ACSM6: variants seen among roughly 807,000 people sequenced by gnomAD.
ACSM6 encodes acyl-coenzyme A synthetase ACSM6, mitochondrial.
ACSM6 carries 35 observed loss-of-function variants against 51.1 expected under a neutral mutation model. The observed-to-expected ratio is 0.69, with a 90% CI of 0.52 to 0.91. The LOEUF (loss-of-function observed/expected upper bound fraction) is 0.91. Ranked by LOEUF, ACSM6 falls within the 40% of genes least tolerant of loss-of-function variation. The pLI is 0.00. For synonymous variants in ACSM6, 172 were observed against 207.3 expected (o/e 0.83, Z 1.46); for missense variants, 509 against 584.1 (o/e 0.87, Z 1.32).
intron 3 of ACSM6, 68 bp from the exon 4 acceptor site, chr10:95,207,139 CA>C: frequency 6.8e-7 from 1 of 1,474,312 alleles, no homozygotes; most frequent in Non-Finnish European, 9.4e-7. Context: ...CCATGCCTGC[CA>C]GAATGCTTGA....
intron 2 of ACSM6, chr10:95,201,551 C>T (rs774217150): frequency 1.3e-5 from 6 of 454,548 alleles, no homozygotes; most frequent in Admixed American, 2.4e-5. Flanking sequence ...TTTATCCAAT[C>T]ATCCACTGAT....
chr10:95,201,673 C>T (rs936003001), intron 2 of ACSM6: 1 of 516,370 alleles, frequency 1.9e-6, no homozygotes, highest in African/African-American at 1.9e-5. Flanking sequence ...GGGTAGACAC[C>T]CAGTAGTGGG....
intron 10 of ACSM6, chr10:95,225,640 A>G (rs2035030056): frequency 1.2e-5 from 4 of 346,476 alleles, no homozygotes; most frequent in Non-Finnish European, 5.2e-6. Context: ...ACATTATGAC[A>G]CTTTGTCCTT....
At chr10:95,209,015 CAAATAG>C (rs1251133257) in intron 4 of ACSM6, among the ~76,000 whole-genome samples, 1 of 117,868 alleles carries the variant, frequency 8.5e-6, no homozygotes, top group African/African-American at 3.2e-5. Flanking sequence ...TTATAGACAA[CAAATAG>C]ACAACAAGAA....
chr10:95,201,066 A>G (rs1397701526), intron 2 of ACSM6, among the ~76,000 whole-genome samples: 1 of 152,222 alleles, frequency 6.6e-6, no homozygotes, highest in Non-Finnish European at 1.5e-5. Flanking sequence ...CCACTGAAAA[A>G]TAAGTTGCAT....
chr10:95,214,824 C>T, intron 7 of ACSM6, 28 bp from the exon 8 acceptor site: 2 of 1,548,688 alleles, frequency 1.3e-6, no homozygotes, highest in African/African-American at 1.4e-5. Context: ...TTCCCTGAGG[C>T]TAAGAACAAC....
intron 2 of ACSM6, among the ~76,000 whole-genome samples, chr10:95,199,984 C>G (rs1397517525): frequency 6.6e-6 from 1 of 152,156 alleles, no homozygotes; most frequent in Non-Finnish European, 1.5e-5. Context: ...CTATTTGACC[C>G]AGCCATCCCA....
chr10:95,194,684 C>G lies in ACSM6; in HGVS notation c.192+7C>G. 6.5e-7 allele frequency: 1 copy of G among 1,550,140 alleles called. No individual in the cohort carries two copies. The highest frequency in any genetic ancestry group is 8.7e-7 in the Non-Finnish European group (1 of 1,145,886). On this transcript the variant is annotated splice_region_variant and intron_variant, in intron 2 of 10. Coordinates refer to ENST00000341686, the Ensembl canonical transcript of ACSM6. Reference sequence around the variant, plus strand: ...GTGGTCCCAGCTGGAAAAGGTAAAACTTGTTGTTTTCTACCTTGGAAACTT... The same window carrying G: ...GTGGTCCCAGCTGGAAAAGGTAAAAGTTGTTGTTTTCTACCTTGGAAACTT...
At chr10:95,205,348 T>C (rs1267973692) in intron 3 of ACSM6, among the ~76,000 whole-genome samples, 1 of 152,102 alleles carries the variant, frequency 6.6e-6, no homozygotes, top group Non-Finnish European at 1.5e-5. Context: ...CTCTGGAGGC[T>C]GGGAAGTCCA....
intron 7 of ACSM6, among the ~76,000 whole-genome samples, chr10:95,213,308 C>T (rs1319686418): frequency 6.6e-6 from 1 of 152,166 alleles, no homozygotes; most frequent in African/African-American, 2.4e-5. Flanking sequence ...TCACCGCCAG[C>T]ACTCATTTCT....
intron 4 of ACSM6, 128 bp downstream of exon 4, chr10:95,207,543 G>A (rs1474104133): frequency 3.2e-6 from 3 of 929,976 alleles, no homozygotes; most frequent in Non-Finnish European, 5.1e-6. Flanking sequence ...TGCAAGATTA[G>A]ATGATGTATG....
intron 9 of ACSM6, among the ~76,000 whole-genome samples, chr10:95,223,948 G>A (rs11819645): frequency 3.3e-4 from 50 of 152,124 alleles, no homozygotes; most frequent in African/African-American, 8.2e-4. Context: ...GGTCATCAAA[G>A]TTGCAGGAAA....
chr10:95,217,765 C>A (rs1215920541), intron 8 of ACSM6, among the ~76,000 whole-genome samples: 1 of 152,136 alleles, frequency 6.6e-6, no homozygotes, highest in Non-Finnish European at 1.5e-5. Context: ...GTTTGAGGAC[C>A]CTGGTGGAGC....
chr10:95,199,584 A>AT (rs1296064040), intron 2 of ACSM6, among the ~76,000 whole-genome samples: 4 of 152,110 alleles, frequency 2.6e-5, no homozygotes, highest in African/African-American at 9.7e-5. Flanking sequence ...ATGGGAGAAA[A>AT]TTTTTGCAAC....
chr10:95,194,316 G>A lies in ACSM6; in HGVS notation c.-22+13G>A. ...CCTCTTGGAATTGGTAAGTATCTGT[G>A]CTCATGGGCTTCTTCTCCAATGATC... On this transcript the variant is annotated intron_variant, in intron 1 of 10. Transcript: ENST00000341686. 2 of 622,300 alleles carry A rather than the reference G, an allele frequency of 3.2e-6. No homozygotes were observed. Among genetic ancestry groups the A allele is most frequent in the South Asian group, 4.7e-5 (2 of 42,652 alleles). The allele number at this position is 622,300 out of a possible 1,614,324, so 38.5% of individuals were successfully genotyped here. A position where few individuals can be genotyped will look rare whatever the true frequency, so the allele number is the denominator to read the frequency against.
In ACSM6 at chr10:95,194,429, C is replaced by T. The variant is rs2034705036; in HGVS notation, c.-21-36C>T. The stretch of plus-strand genomic sequence containing the variant: ...TCTCAGTGATTATCCCTCTGAGCTG[C>T]TCAATTACTCCCTGTCTTTTCCTCA... On this transcript the variant is annotated intron_variant, in intron 1 of 10. Transcript: ENST00000341686. The T allele has an allele frequency of 2.0e-6, 3 of 1,477,338 alleles. No individual in the cohort carries two copies. The African/African-American group carries it at 4.2e-5, about 21-fold the overall frequency. 91.5% of individuals were successfully genotyped at this position (1,477,338 alleles called of 1,614,324 possible). A position where few individuals can be genotyped will look rare whatever the true frequency, so the allele number is the denominator to read the frequency against.
At chr10:95,207,476 T>C (rs2034851733) in intron 4 of ACSM6, 61 bp downstream of exon 4, 1 of 1,534,714 alleles carries the variant, frequency 6.5e-7, no homozygotes, top group African/African-American at 1.4e-5. Flanking sequence ...TGAAAGATGA[T>C]GATATATGAG....
rs562375083 is a variant in ACSM6, at chr10:95,198,127, G to A, written c.192+3450G>A. Reference sequence around the variant, plus strand: ...TTAACAACATCTCAGCAAAGCAATTGTCTAAAGTACAGGTCTTTTCCAAAA... The same window carrying A: ...TTAACAACATCTCAGCAAAGCAATTATCTAAAGTACAGGTCTTTTCCAAAA... On this transcript the variant is annotated intron_variant, in intron 2 of 10. Transcript: ENST00000341686. 7.9e-5 allele frequency among the ~76,000 whole-genome samples: 12 copies of A among 152,270 alleles called. No homozygotes were observed. The East Asian group carries it at 2.3e-3, about 29-fold the overall frequency.
intron 9 of ACSM6, among the ~76,000 whole-genome samples, chr10:95,223,159 G>GACAC (rs10572248): frequency 0.16 from 23,737 of 146,740 alleles, 2,217 homozygotes; most frequent in Admixed American, 0.23. Context: ...CACACATACA[G>GACAC]ACACACACAC....
Sources: allele counts gnomAD v4.1 joint callset (sites outside exome capture counted in the v4.1 genomes callset), GRCh38; gene constraint gnomAD v4.1.1; transcripts MANE v1.5; gene names NCBI Gene and HGNC (gene_info 2026-07-23, HGNC 2026-07-21).